The following TMEM132D variants were observed in gnomAD, a reference collection of about 807,000 sequenced individuals.
TMEM132D encodes the protein transmembrane protein 132D.
TMEM132D carries 21 observed loss-of-function variants against 62.3 expected under a neutral mutation model. The ratio of observed to expected loss-of-function variants is 0.34; its 90% CI spans 0.24 to 0.49. The LOEUF (loss-of-function observed/expected upper bound fraction) is 0.49. TMEM132D is among the 20% of genes least tolerant of loss of function. TMEM132D has a pLI of 0.99. For missense variants in TMEM132D, 1,346 were observed against 1,402.8 expected (o/e 0.96, Z 0.65); for synonymous variants, 621 against 575.6 (o/e 1.08, Z -1.13).
intron 4 of TMEM132D, among the ~76,000 whole-genome samples, chr12:129,337,231 C>T (rs1336005992): frequency 6.6e-6 from 1 of 152,066 alleles, no homozygotes; most frequent in African/African-American, 2.4e-5. Context: ...CAGCACATTT[C>T]ACTCCTATGC....
intron 4 of TMEM132D, among the ~76,000 whole-genome samples, chr12:129,316,855 T>A (rs1289468080): frequency 6.6e-6 from 1 of 152,186 alleles, no homozygotes; most frequent in Non-Finnish European, 1.5e-5. Flanking sequence ...ATGTTTAGGA[T>A]TATGATGATT....
At chr12:129,885,607 A>C (rs2137389489) in intron 1 of TMEM132D, among the ~76,000 whole-genome samples, 1 of 152,342 alleles carries the variant, frequency 6.6e-6, no homozygotes, top group East Asian at 1.9e-4. Context: ...TGGTCTTCCC[A>C]CACTACTGCT....
At chr12:129,316,395 T>G (rs1868488955) in intron 4 of TMEM132D, among the ~76,000 whole-genome samples, 1 of 152,230 alleles carries the variant, frequency 6.6e-6, no homozygotes, top group Non-Finnish European at 1.5e-5. Flanking sequence ...CTTGATTTTG[T>G]TTTTGACCCA....
intron 3 of TMEM132D, among the ~76,000 whole-genome samples, chr12:129,496,443 T>C (rs957456783): frequency 1.3e-5 from 2 of 152,076 alleles, no homozygotes; most frequent in Admixed American, 1.3e-4. Flanking sequence ...TGCGACCCCC[T>C]GATGTCTAAA....
chr12:129,823,916 C>T (rs1217668802), intron 1 of TMEM132D, among the ~76,000 whole-genome samples: 2 of 152,176 alleles, frequency 1.3e-5, no homozygotes, highest in Admixed American at 6.5e-5. Context: ...GATTTAATCT[C>T]ATTCCCGTTA....
chr12:129,837,511 A>G (rs1246041944), intron 1 of TMEM132D, among the ~76,000 whole-genome samples: 3 of 152,240 alleles, frequency 2.0e-5, no homozygotes, highest in Non-Finnish European at 2.9e-5. Context: ...AAAAAAGAAC[A>G]GCACCTTTAT....
intron 3 of TMEM132D, among the ~76,000 whole-genome samples, chr12:129,347,865 A>G (rs558509702): frequency 1.3e-5 from 2 of 152,326 alleles, no homozygotes; most frequent in South Asian, 4.1e-4. Context: ...AATTTACAAG[A>G]AAAAAACAAC....
chr12:129,614,193 G>T (rs185690547), intron 2 of TMEM132D, among the ~76,000 whole-genome samples: 129 of 152,368 alleles, frequency 8.5e-4, no homozygotes, highest in Non-Finnish European at 1.4e-3. Context: ...CAGAACCCAT[G>T]CTCTTGAACC....
At chr12:129,423,639 A>G (rs1872393254) in intron 3 of TMEM132D, among the ~76,000 whole-genome samples, 1 of 152,140 alleles carries the variant, frequency 6.6e-6, no homozygotes, top group African/African-American at 2.4e-5. Flanking sequence ...TAGGCATTCT[A>G]TGACGGGAAA....
intron 5 of TMEM132D, among the ~76,000 whole-genome samples, chr12:129,104,608 C>T (rs1013075520): frequency 6.6e-6 from 1 of 151,690 alleles, no homozygotes; most frequent in African/African-American, 2.4e-5. Context: ...AACAGGCAAC[C>T]TACAAAATGG....
intron 3 of TMEM132D, among the ~76,000 whole-genome samples, chr12:129,368,484 G>A (rs10847841): frequency 0.22 from 33,241 of 151,944 alleles, 3,828 homozygotes; most frequent in Non-Finnish European, 0.26. Flanking sequence ...TTTTAGCAGC[G>A]AGTGAATGCT....
At chr12:129,192,927 T>A (rs1393569959) in intron 5 of TMEM132D, among the ~76,000 whole-genome samples, 1 of 152,148 alleles carries the variant, frequency 6.6e-6, no homozygotes, top group African/African-American at 2.4e-5. Context: ...TCCCAACACT[T>A]TGGGAGGCCG....
Position 129,723,894 on chromosome 12 carries a change from G to A in TMEM132D, c.80-23196C>T, listed in dbSNP as rs187100063. Among the ~76,000 whole-genome samples, 5 of 152,268 alleles carry A rather than the reference G, an allele frequency of 3.3e-5. No homozygotes were observed. In the East Asian group the frequency reaches 7.7e-4, roughly 24 times the overall value. ...TTCCAAGTGTGCCAAGCTGCATAACGCCTGCCCTCCACTACCAAGATGTCC... is the reference window on the plus strand; with the variant it reads ...TTCCAAGTGTGCCAAGCTGCATAACACCTGCCCTCCACTACCAAGATGTCC... On this transcript the variant is annotated intron_variant, in intron 1 of 8. Coordinates refer to ENST00000422113, the MANE Select transcript of TMEM132D (RefSeq NM_133448.3).
chr12:129,098,659 C>T (rs1483144483), intron 5 of TMEM132D, among the ~76,000 whole-genome samples: 1 of 152,122 alleles, frequency 6.6e-6, no homozygotes, highest in Non-Finnish European at 1.5e-5. Flanking sequence ...CTGCATTTTC[C>T]AAAGATGGCC....
Position 129,402,258 on chromosome 12 carries a change from G to A in TMEM132D, c.1116-64441C>T, listed in dbSNP as rs577986831. Among the ~76,000 whole-genome samples the A allele has an allele frequency of 7.2e-5, 11 of 152,260 alleles. No individual in the cohort carries two copies. In the East Asian group the frequency reaches 7.7e-4, roughly 11 times the overall value. Reference sequence around the variant, plus strand: ...ACTTCAGCAGCTTTCCCAGAAGCACGTCCCTGAGGTCTGCACAAAAGAAAT... The same window carrying A: ...ACTTCAGCAGCTTTCCCAGAAGCACATCCCTGAGGTCTGCACAAAAGAAAT... On this transcript the variant is annotated intron_variant, in intron 3 of 8. Transcript: ENST00000422113.
intron 1 of TMEM132D, among the ~76,000 whole-genome samples, chr12:129,838,674 T>A (rs1391708238): frequency 6.6e-6 from 1 of 152,098 alleles, no homozygotes; most frequent in East Asian, 1.9e-4. Context: ...TACCCTAACA[T>A]TGAAAAATAG....
At chr12:129,901,377 G>A (rs1207706452) in intron 1 of TMEM132D, among the ~76,000 whole-genome samples, 1 of 152,066 alleles carries the variant, frequency 6.6e-6, no homozygotes, top group Non-Finnish European at 1.5e-5. Context: ...TTGCTAATAG[G>A]GGTGTTGATT....
At chr12:129,739,879 A>C (rs1459219860) in intron 1 of TMEM132D, among the ~76,000 whole-genome samples, 2 of 152,182 alleles carry the variant, frequency 1.3e-5, no homozygotes, top group African/African-American at 4.8e-5. Flanking sequence ...CTCTGGCACT[A>C]CTGTGCTCGA....
chr12:129,558,567 T>C (rs11060437), intron 2 of TMEM132D, among the ~76,000 whole-genome samples: 18,523 of 152,128 alleles, frequency 0.12, 1,446 homozygotes, highest in East Asian at 0.42. Flanking sequence ...ACACAGTGAC[T>C]TTCTGTCTAC....
Sources: gnomAD v4.1 joint callset for allele counts (sites outside exome capture counted in the v4.1 genomes callset) on GRCh38, gnomAD v4.1.1 for gene constraint, MANE v1.5 for transcripts, NCBI Gene and HGNC (gene_info 2026-07-23, HGNC 2026-07-21) for gene names.